Variants in LMBR1 observed in about 807,000 individuals in gnomAD.
The protein encoded by LMBR1 is limb development membrane protein 1.
In LMBR1, 52 loss-of-function variants were observed where a neutral mutation model predicts 73.9. The ratio of observed to expected loss-of-function variants is 0.70; its 90% CI spans 0.56 to 0.89. The LOEUF (loss-of-function observed/expected upper bound fraction) is 0.89. Ranked by LOEUF, LMBR1 falls within the 40% of genes least tolerant of loss-of-function variation. LMBR1 has a pLI of 0.00. For synonymous variants in LMBR1, 215 were observed against 209.4 expected, an observed-to-expected ratio of 1.03 and a Z score of -0.23; for missense variants, 539 against 579.8, an observed-to-expected ratio of 0.93 and a Z score of 0.72.
chr7:156,888,247 A>T (rs961761470), intron 1 of LMBR1, among the ~76,000 whole-genome samples: 7 of 151,896 alleles, frequency 4.6e-5, no homozygotes, highest in African/African-American at 1.7e-4. Context: ...CGTCTCTACT[A>T]AAAATACAAA....
intron 9 of LMBR1, among the ~76,000 whole-genome samples, chr7:156,755,813 T>A (rs1821757501): frequency 6.6e-6 from 1 of 152,146 alleles, no homozygotes; most frequent in African/African-American, 2.4e-5. Context: ...ATTATGAACA[T>A]TTTTGGGGTG....
At chr7:156,723,288 C>T (rs1049723401) in intron 15 of LMBR1, among the ~76,000 whole-genome samples, 2 of 152,088 alleles carry the variant, frequency 1.3e-5, no homozygotes, top group African/African-American at 4.8e-5. Context: ...AATATGAGAG[C>T]TAATGCAAAA....
At chr7:156,732,877 C>T (rs117135181) in intron 10 of LMBR1, among the ~76,000 whole-genome samples, 3,743 of 152,330 alleles carry the variant, frequency 0.025, 69 homozygotes, top group Non-Finnish European at 0.038. Flanking sequence ...GGCATCGTGG[C>T]TCATGCCTGT....
intron 15 of LMBR1, among the ~76,000 whole-genome samples, chr7:156,716,296 A>G (rs1024303278): frequency 6.6e-6 from 1 of 152,234 alleles, no homozygotes; most frequent in Non-Finnish European, 1.5e-5. Context: ...AATGGGAACC[A>G]AAGCTTAGAG....
chr7:156,804,877 G>A (rs2133501402), intron 4 of LMBR1, among the ~76,000 whole-genome samples: 1 of 151,950 alleles, frequency 6.6e-6, no homozygotes, highest in Non-Finnish European at 1.5e-5. Context: ...TATGGATTGT[G>A]CTTTCGCTAT....
chr7:156,826,836 ATC>A, intron 3 of LMBR1, 92 bp from the exon 4 acceptor site: 2 of 1,194,368 alleles, frequency 1.7e-6, no homozygotes, highest in Admixed American at 5.2e-5. Context: ...TAATGTTTTA[ATC>A]AAAAAAGCAT....
chr7:156,770,342 A>C (rs977547007), intron 5 of LMBR1, among the ~76,000 whole-genome samples: 4 of 152,190 alleles, frequency 2.6e-5, no homozygotes, highest in African/African-American at 9.7e-5. Context: ...TCTAAACTGC[A>C]TCAGAACTAC....
At chr7:156,865,170 G>C (rs1048689222) in intron 1 of LMBR1, among the ~76,000 whole-genome samples, 2 of 151,956 alleles carry the variant, frequency 1.3e-5, no homozygotes, top group Non-Finnish European at 2.9e-5. Flanking sequence ...AGCTGGGCGT[G>C]ATGTTGCACG....
At chr7:156,702,995 T>C (rs1201298780) in intron 15 of LMBR1, among the ~76,000 whole-genome samples, 1 of 152,164 alleles carries the variant, frequency 6.6e-6, no homozygotes, top group Non-Finnish European at 1.5e-5. Flanking sequence ...GAATCCCCCA[T>C]ATGGAAGAGT....
intron 1 of LMBR1, among the ~76,000 whole-genome samples, chr7:156,838,137 T>C (rs1040396623): frequency 4.6e-5 from 7 of 152,226 alleles, no homozygotes; most frequent in Non-Finnish European, 1.0e-4. Context: ...ATTTACTGTG[T>C]ACAAAATGTT....
At chr7:156,874,036 T>C (rs1037432946) in intron 1 of LMBR1, among the ~76,000 whole-genome samples, 5 of 152,214 alleles carry the variant, frequency 3.3e-5, no homozygotes, top group Non-Finnish European at 7.3e-5. Context: ...TCGATGGGAC[T>C]GGGCGCCGTG....
chr7:156,844,714 A>G (rs1326105550), intron 1 of LMBR1, among the ~76,000 whole-genome samples: 1 of 151,910 alleles, frequency 6.6e-6, no homozygotes, highest in Non-Finnish European at 1.5e-5. Context: ...GCCATGCCCT[A>G]TTTCAGAGCT....
At position 156,763,895 on chromosome 7, in the gene LMBR1, A is replaced by G. The variant is rs967433219; in HGVS notation, c.424-100T>C. On this transcript the variant is annotated intron_variant, in intron 5 of 16. Transcript: ENST00000353442. Reference sequence around the variant, plus strand: ...AAGCATAAAATAATCCCTTGGAAGGAGAGGAAATTTATATTTATTAAAAGG... The same window carrying G: ...AAGCATAAAATAATCCCTTGGAAGGGGAGGAAATTTATATTTATTAAAAGG... 4 of 892,108 alleles carry G rather than the reference A, an allele frequency of 4.5e-6. No individual in the cohort carries two copies. The African/African-American group carries it at 5.3e-5, about 12-fold the overall frequency. 55.3% of individuals were successfully genotyped at this position (892,108 alleles called of 1,614,324 possible). A position where few individuals can be genotyped will look rare whatever the true frequency, so the allele number is the denominator to read the frequency against.
At chr7:156,774,579 C>T (rs1407610855) in intron 5 of LMBR1, among the ~76,000 whole-genome samples, 2 of 152,170 alleles carry the variant, frequency 1.3e-5, no homozygotes, top group Non-Finnish European at 2.9e-5. Flanking sequence ...CACCTGTAAT[C>T]CCAGCACTTT....
intron 15 of LMBR1, among the ~76,000 whole-genome samples, chr7:156,720,693 ATAT>A (rs1814366598): frequency 6.6e-6 from 1 of 151,526 alleles, no homozygotes; most frequent in African/African-American, 2.4e-5. Flanking sequence ...ATAATAAGTC[ATAT>A]TATTCATTTA....
intron 2 of LMBR1, 26 bp downstream of exon 2, chr7:156,836,787 G>C (rs1307167528): frequency 6.8e-7 from 1 of 1,466,744 alleles, no homozygotes; most frequent in Non-Finnish European, 9.4e-7. Context: ...TCTAACAAAG[G>C]TTTTAATTGA....
At chr7:156,718,421 G>GAA (rs112723285) in intron 15 of LMBR1, among the ~76,000 whole-genome samples, 1 of 141,188 alleles carries the variant, frequency 7.1e-6, no homozygotes, top group Non-Finnish European at 1.6e-5. Flanking sequence ...GAAGGAAAAA[G>GAA]AAAAAAAAAA....
rs898159146 is a variant in LMBR1, at chr7:156,686,183, G to A, written c.1387+1847C>T. 4.6e-5 allele frequency among the ~76,000 whole-genome samples: 7 copies of A among 152,250 alleles called. No individual in the cohort carries two copies. The South Asian group carries it at 1.0e-3, about 23-fold the overall frequency. On this transcript the variant is annotated intron_variant, in intron 16 of 16. Coordinates refer to ENST00000353442, the MANE Select transcript of LMBR1 (RefSeq NM_022458.4). The stretch of plus-strand genomic sequence containing the variant: ...TTTAGGATCGATTATCTGAGTTCAC[G>A]CCTAAAACTTGGCTGTCATGTAGGT...
intron 1 of LMBR1, among the ~76,000 whole-genome samples, chr7:156,848,822 T>C (rs1795853830): frequency 6.6e-6 from 1 of 150,446 alleles, no homozygotes; most frequent in African/African-American, 2.5e-5. Context: ...TCCCAGCTAC[T>C]AGGGAAGCTC....
Sources: allele counts gnomAD v4.1 joint callset (sites outside exome capture counted in the v4.1 genomes callset), GRCh38; gene constraint gnomAD v4.1.1; transcripts MANE v1.5; gene names NCBI Gene and HGNC (gene_info 2026-07-23, HGNC 2026-07-21).